The following ADHFE1 variants were observed in gnomAD, a reference collection of about 807,000 sequenced individuals.
ADHFE1 encodes alcohol dehydrogenase iron containing 1, also known as hydroxyacid-oxoacid transhydrogenase, mitochondrial.
ADHFE1 carries 37 observed loss-of-function variants against 54.8 expected under a neutral mutation model. That is an observed-to-expected ratio of 0.68 (90% CI 0.52 to 0.89). The LOEUF is 0.89. Among genes scored for constraint, ADHFE1 ranks in the 40% least tolerant of loss-of-function variants. The pLI is 0.00. For synonymous variants in ADHFE1, 203 were observed against 229.3 expected (o/e 0.89, Z 1.04); for missense variants, 601 against 591.2 (o/e 1.02, Z -0.17).
At chr8:66,435,027 C>T (rs949438612) in intron 1 of ADHFE1, among the ~76,000 whole-genome samples, 1 of 151,110 alleles carries the variant, frequency 6.6e-6, no homozygotes, top group Non-Finnish European at 1.5e-5. Flanking sequence ...ACTGTGTTAT[C>T]TCTGGGGTAC....
At chr8:66,438,883 C>CG (rs1328041339) in intron 1 of ADHFE1, among the ~76,000 whole-genome samples, 2 of 150,818 alleles carry the variant, frequency 1.3e-5, no homozygotes, top group Admixed American at 6.6e-5. Flanking sequence ...AAAAAGGTGG[C>CG]GGGGGGTGTA....
chr8:66,463,257 A>G (rs6472278), intron 13 of ADHFE1, among the ~76,000 whole-genome samples: 17,323 of 152,264 alleles, frequency 0.11, 1,083 homozygotes, highest in East Asian at 0.23. Context: ...GTGCACATGC[A>G]ATACTGGGAA....
intron 1 of ADHFE1, among the ~76,000 whole-genome samples, chr8:66,435,920 T>TTA (rs201097184): frequency 5.4e-5 from 8 of 147,412 alleles, no homozygotes; most frequent in African/African-American, 2.0e-4. Flanking sequence ...GATTCTTTTT[T>TTA]TTTTTTTTTT....
chr8:66,453,958 A>C (rs774333892), intron 9 of ADHFE1, 101 bp from the exon 10 acceptor site: 7 of 1,543,546 alleles, frequency 4.5e-6, no homozygotes. Context: ...ACCGAGTAGC[A>C]TTTCTTTTTT....
intron 6 of ADHFE1, among the ~76,000 whole-genome samples, chr8:66,446,505 C>T (rs1806030916): frequency 6.6e-6 from 1 of 152,222 alleles, no homozygotes; most frequent in African/African-American, 2.4e-5. Flanking sequence ...ACAGCACAGT[C>T]ATCACACACG....
At chr8:66,444,774 TCTTTA>T (rs752995188) in intron 5 of ADHFE1, 26 bp downstream of exon 5, 2 of 1,612,950 alleles carry the variant, frequency 1.2e-6, no homozygotes, top group Admixed American at 1.7e-5. Context: ...TGTTATTGTT[TCTTTA>T]CTTTAAGCAG....
In ADHFE1 at chr8:66,468,250, C is replaced by T. The variant is rs2130513510; in HGVS notation, c.1321-19C>T. Reference sequence around the variant, plus strand: ...GCCTTTTCAAAGCCCTGGGTAACTTCTTTCATTTACTGTTTCAGGAAAGGG... The same window carrying T: ...GCCTTTTCAAAGCCCTGGGTAACTTTTTTCATTTACTGTTTCAGGAAAGGG... On this transcript the variant is annotated intron_variant, in intron 13 of 13. Coordinates refer to ENST00000396623, the MANE Select transcript of ADHFE1 (RefSeq NM_144650.3). The T allele has an allele frequency of 6.3e-7, 1 of 1,599,510 alleles. No homozygotes were observed. Among genetic ancestry groups the T allele is most frequent in the South Asian group, 1.1e-5 (1 of 89,076 alleles).
In ADHFE1 at chr8:66,451,262, C is replaced by T. The variant is rs191762947; in HGVS notation, c.735-691C>T. On this transcript the variant is annotated intron_variant, in intron 8 of 13. Transcript: ENST00000396623. ...TTTACGGTACATAAGAGAAAAAGAT[C>T]TGCTTTTTCTTCAGGCCAAGAATTA... 3.3e-5 allele frequency among the ~76,000 whole-genome samples: 5 copies of T among 152,306 alleles called. No individual in the cohort carries two copies. The East Asian group carries it at 9.6e-4, about 29-fold the overall frequency.
chr8:66,444,754 C>T lies in ADHFE1; in HGVS notation c.353+6C>T. 6.2e-7 allele frequency: 1 copy of T among 1,613,654 alleles called. No individual in the cohort carries two copies. The highest frequency in any genetic ancestry group is 8.5e-7 in the Non-Finnish European group (1 of 1,179,894). On this transcript the variant is annotated splice_donor_region_variant and intron_variant, in intron 5 of 13. Transcript: ENST00000396623. ...GTGGAACCAACGGATTCAAGGTATT[C>T]TTGTATTGTTGTTATTGTTTCTTTA...
At chr8:66,433,532 C>T (rs1018248962) in intron 1 of ADHFE1, among the ~76,000 whole-genome samples, 4 of 152,138 alleles carry the variant, frequency 2.6e-5, no homozygotes, top group African/African-American at 4.8e-5. Flanking sequence ...CTCATAGATA[C>T]GGAAATAAAG....
chr8:66,445,043 G>C (rs1382443015), intron 5 of ADHFE1, among the ~76,000 whole-genome samples, 175 bp from the exon 6 acceptor site: 2 of 152,116 alleles, frequency 1.3e-5, no homozygotes, highest in African/African-American at 2.4e-5. Flanking sequence ...ATAGGTTGCA[G>C]TGAGCGGAGA....
intron 8 of ADHFE1, among the ~76,000 whole-genome samples, chr8:66,450,624 A>C (rs1330882370): frequency 6.6e-6 from 1 of 152,240 alleles, no homozygotes. Flanking sequence ...GTCATAAAGC[A>C]TTAAACTGAC....
At chr8:66,445,502 C>A in intron 6 of ADHFE1, 88 bp downstream of exon 6, 1 of 1,292,820 alleles carries the variant, frequency 7.7e-7, no homozygotes, top group Non-Finnish European at 1.0e-6. Flanking sequence ...TTAACATACA[C>A]ATTTCGAAAG....
chr8:66,444,827 G>A (rs774696116), intron 5 of ADHFE1, 79 bp downstream of exon 5: 120 of 1,556,664 alleles, frequency 7.7e-5, no homozygotes, highest in African/African-American at 3.0e-4. Context: ...CCAACCAGGC[G>A]TGGTGGCTCA....
chr8:66,447,985 T>C (rs753591175), intron 7 of ADHFE1, among the ~76,000 whole-genome samples: 2 of 152,224 alleles, frequency 1.3e-5, no homozygotes, highest in Non-Finnish European at 2.9e-5. Flanking sequence ...TATATGCTCA[T>C]GTAACCACCA....
In ADHFE1 at chr8:66,444,687, G is replaced by C. The variant is rs1374548265; in HGVS notation, c.292G>C (p.Val98Leu). 1 of 1,614,212 alleles carries C rather than the reference G, an allele frequency of 6.2e-7. No individual in the cohort carries two copies. Among genetic ancestry groups the C allele is most frequent in the Non-Finnish European group, 8.5e-7 (1 of 1,180,030 alleles). The change falls in exon 5 of 14, where the codon GTG becomes CTG. Residue 98 changes from valine (V) to leucine (L), a missense_variant. Physicochemically the swap from Val to Leu is conservative, Grantham distance 32 (BLOSUM62 1). Coordinates refer to ENST00000396623, the MANE Select transcript of ADHFE1 (RefSeq NM_144650.3). Reference sequence around the variant, plus strand: ...TGTGCAAGTAGCTATGGATTCCCTAGTGAAGAATGGCATCCCCTTTACGGT... The same window carrying C: ...TGTGCAAGTAGCTATGGATTCCCTACTGAAGAATGGCATCCCCTTTACGGT... ...PPVQVAMDSL[V>L]KNGIPFTVYD... is the part of the protein sequence containing the mutation.
chr8:66,432,554 T>C lies in ADHFE1; in HGVS notation c.38T>C (p.Leu13Pro). Reference sequence around the variant, plus strand: ...GCCCGAGCCCGGGTCGCGTACTTGCTGAGGCAACTGCAACGCGCAGCGTGA... The same window carrying C: ...GCCCGAGCCCGGGTCGCGTACTTGCCGAGGCAACTGCAACGCGCAGCGTGA... ...AAARARVAYL[L>P]RQLQRAACQC... The change falls in exon 1 of 14, where the codon CTG (leucine) becomes CCG (proline). Residue 13 changes from leucine to proline, a missense_variant. Leu to Pro is a moderately conservative substitution (Grantham distance 98). Transcript: ENST00000396623. 3 of 1,354,186 alleles carry C rather than the reference T, an allele frequency of 2.2e-6. No homozygotes were observed. The highest frequency in any genetic ancestry group is 3.8e-5 in the South Asian group (2 of 53,222). The allele number at this position is 1,354,186 out of a possible 1,614,324, so 83.9% of individuals were successfully genotyped here.
chr8:66,443,556 G>T (rs547918806), intron 3 of ADHFE1, among the ~76,000 whole-genome samples: 1 of 152,102 alleles, frequency 6.6e-6, no homozygotes, highest in Non-Finnish European at 1.5e-5. Context: ...AGGATTACAG[G>T]CATAAGCCAC....
intron 10 of ADHFE1, among the ~76,000 whole-genome samples, chr8:66,455,278 T>C (rs988658358): frequency 6.6e-6 from 1 of 152,246 alleles, no homozygotes; most frequent in African/African-American, 2.4e-5. Flanking sequence ...TTTCTCCACA[T>C]ACTCACCATG....
Sources: gnomAD v4.1 joint callset for allele counts (sites outside exome capture counted in the v4.1 genomes callset) on GRCh38, gnomAD v4.1.1 for gene constraint, MANE v1.5 for transcripts, NCBI Gene and HGNC (gene_info 2026-07-23, HGNC 2026-07-21) for gene names.